DOCK4: variants seen among roughly 807,000 people sequenced by gnomAD.
DOCK4 encodes dedicator of cytokinesis 4, also known as dedicator of cytokinesis protein 4.
In DOCK4, 97 loss-of-function variants were observed where a neutral mutation model predicts 268.1. The ratio of observed to expected loss-of-function variants is 0.36; its 90% CI spans 0.31 to 0.43. DOCK4 has a LOEUF of 0.43. Ranked by LOEUF, DOCK4 falls within the 20% of genes least tolerant of loss-of-function variation. DOCK4 has a pLI of 1.00. For missense variants in DOCK4, 2,145 were observed against 2,455.7 expected (o/e 0.87, Z 2.67); for synonymous variants, 954 against 887.2 (o/e 1.08, Z -1.34).
At chr7:111,838,081 T>C (rs1460153267) in intron 25 of DOCK4, among the ~76,000 whole-genome samples, 1 of 93,294 alleles carries the variant, frequency 1.1e-5, no homozygotes, top group African/African-American at 5.0e-5. Flanking sequence ...AGCGAAACCC[T>C]ACCTCAAAAA....
At chr7:112,022,505 G>T (rs540196184) in intron 1 of DOCK4, among the ~76,000 whole-genome samples, 16 of 152,318 alleles carry the variant, frequency 1.1e-4, no homozygotes, top group Non-Finnish European at 1.8e-4. Context: ...CTTCTGCATA[G>T]GTGGGTTCAA....
chr7:111,742,207 C>T, intron 44 of DOCK4, 75 bp from the exon 45 acceptor site: 1 of 1,421,136 alleles, frequency 7.0e-7, no homozygotes, highest in Non-Finnish European at 9.3e-7. Context: ...GGGCCGAGCA[C>T]TTTACTACGC....
At chr7:112,043,907 TTC>T (rs1804617512) in intron 1 of DOCK4, among the ~76,000 whole-genome samples, 1 of 151,962 alleles carries the variant, frequency 6.6e-6, no homozygotes, top group Non-Finnish European at 1.5e-5. Context: ...AGAAAAGACT[TTC>T]TGAAGATTTC....
rs946515681 is a variant in DOCK4, at chr7:111,925,730, G to A, written c.1066+9810C>T. Among the ~76,000 whole-genome samples, 5 of 152,274 alleles carry A rather than the reference G, an allele frequency of 3.3e-5. No homozygotes were observed. In the South Asian group the frequency reaches 1.0e-3, roughly 32 times the overall value. On this transcript the variant is annotated intron_variant, in intron 12 of 52. Coordinates refer to ENST00000428084, the MANE Select transcript of DOCK4 (RefSeq NM_001363540.2). ...TACTTACGCTATTAATGTTGCCACT[G>A]CTTAAATTTGGGATGTATCTCCTCT...
At chr7:111,796,759 C>A (rs1355736506) in intron 30 of DOCK4, among the ~76,000 whole-genome samples, 1 of 152,164 alleles carries the variant, frequency 6.6e-6, no homozygotes, top group Non-Finnish European at 1.5e-5. Context: ...TCTCCAAGAT[C>A]CATTTTTTAG....
At chr7:112,121,843 T>C (rs1812758577) in intron 1 of DOCK4, among the ~76,000 whole-genome samples, 2 of 152,184 alleles carry the variant, frequency 1.3e-5, no homozygotes, top group South Asian at 4.1e-4. Context: ...AGTCATGACC[T>C]TCCTGGTGCA....
intron 26 of DOCK4, among the ~76,000 whole-genome samples, 166 bp from the exon 27 acceptor site, chr7:111,822,622 C>T (rs1042933708): frequency 6.6e-6 from 1 of 152,132 alleles, no homozygotes; most frequent in African/African-American, 2.4e-5. Context: ...ATGACCCTTC[C>T]CATTCTCAGG....
chr7:112,146,183 C>T (rs1314796775), intron 1 of DOCK4, among the ~76,000 whole-genome samples: 3 of 152,150 alleles, frequency 2.0e-5, no homozygotes, highest in Non-Finnish European at 4.4e-5. Flanking sequence ...GTGGCTGGGT[C>T]TTAAATGCTT....
intron 1 of DOCK4, among the ~76,000 whole-genome samples, chr7:112,195,062 T>G (rs1460723780): frequency 2.0e-5 from 3 of 152,146 alleles, no homozygotes; most frequent in African/African-American, 7.2e-5. Flanking sequence ...GCAGATCACC[T>G]GAGGTCAGGA....
chr7:111,863,264 A>T (rs1237823656), intron 23 of DOCK4, 108 bp downstream of exon 23: 1 of 1,178,904 alleles, frequency 8.5e-7, no homozygotes, highest in East Asian at 2.5e-5. Context: ...TGGTTTTGAG[A>T]AAATGCCTTT....
intron 1 of DOCK4, among the ~76,000 whole-genome samples, chr7:112,179,240 T>C (rs1818808207): frequency 6.6e-6 from 1 of 151,910 alleles, no homozygotes; most frequent in Non-Finnish European, 1.5e-5. Context: ...ATAAAAATTT[T>C]CCCGGTGTGG....
At chr7:111,941,974 C>CCATTCTAATTACTATACT (rs1795243879) in intron 10 of DOCK4, among the ~76,000 whole-genome samples, 2 of 152,170 alleles carry the variant, frequency 1.3e-5, no homozygotes, top group Non-Finnish European at 2.9e-5. Flanking sequence ...CGTTAAGCCA[C>CCATTCTAATTACTATACT]GGCTTTAGAC....
intron 2 of DOCK4, among the ~76,000 whole-genome samples, chr7:112,001,159 T>A (rs1299875207): frequency 6.6e-6 from 1 of 152,182 alleles, no homozygotes; most frequent in Non-Finnish European, 1.5e-5. Context: ...GACCAAGAGC[T>A]CAGCGTAATT....
chr7:111,848,794 C>A (rs1157178891), intron 23 of DOCK4, among the ~76,000 whole-genome samples: 2 of 152,158 alleles, frequency 1.3e-5, no homozygotes, highest in Non-Finnish European at 2.9e-5. Context: ...AAACCCCCCT[C>A]TCCCAAAGTC....
intron 32 of DOCK4, among the ~76,000 whole-genome samples, chr7:111,787,152 A>G (rs1342876301): frequency 2.0e-5 from 3 of 152,188 alleles, no homozygotes; most frequent in Admixed American, 1.3e-4. Flanking sequence ...ATTAAAGTAG[A>G]TAAGAGGCAC....
chr7:112,045,298 CA>C (rs1193230712), intron 1 of DOCK4, among the ~76,000 whole-genome samples: 1 of 152,166 alleles, frequency 6.6e-6, no homozygotes, highest in Non-Finnish European at 1.5e-5. Context: ...TGTCACCTTA[CA>C]ACAAGAGTTT....
intron 32 of DOCK4, among the ~76,000 whole-genome samples, chr7:111,786,646 G>A (rs1799191831): frequency 6.6e-6 from 1 of 152,114 alleles, no homozygotes; most frequent in Admixed American, 6.5e-5. Context: ...ACTACTTACA[G>A]CTTTTCAGCT....
intron 16 of DOCK4, among the ~76,000 whole-genome samples, chr7:111,892,343 G>A (rs2134357987): frequency 6.6e-6 from 1 of 152,256 alleles, no homozygotes; most frequent in East Asian, 1.9e-4. Context: ...TGGGATTACA[G>A]GCACCCATGA....
intron 1 of DOCK4, among the ~76,000 whole-genome samples, chr7:112,027,158 G>C (rs1341064333): frequency 6.6e-6 from 1 of 152,110 alleles, no homozygotes; most frequent in Non-Finnish European, 1.5e-5. Context: ...CAAGCCTCTA[G>C]GACCAGAAAA....
Sources: gnomAD v4.1 joint callset for allele counts (sites outside exome capture counted in the v4.1 genomes callset) on GRCh38, gnomAD v4.1.1 for gene constraint, MANE v1.5 for transcripts, NCBI Gene and HGNC (gene_info 2026-07-23, HGNC 2026-07-21) for gene names.